The following ANTXR1 variants were observed in gnomAD, a reference collection of about 807,000 sequenced individuals.
The protein encoded by ANTXR1 is ANTXR cell adhesion molecule 1.
A neutral mutation model predicts 78.1 loss-of-function variants in ANTXR1; 19 were observed. The ratio of observed to expected loss-of-function variants is 0.24; its 90% CI spans 0.17 to 0.36. The LOEUF is 0.36. Among genes scored for constraint, ANTXR1 ranks in the 10% least tolerant of loss-of-function variants. The pLI, the probability that ANTXR1 is intolerant of heterozygous loss-of-function variation, is 1.00. For synonymous variants in ANTXR1, 273 were observed against 260.5 expected, an observed-to-expected ratio of 1.05 and a Z score of -0.46; for missense variants, 518 against 718.6, an observed-to-expected ratio of 0.72 and a Z score of 3.19.
chr2:69,202,608 G>T lies in ANTXR1; in HGVS notation c.1434+9193G>T, dbSNP rs116301056. Among the ~76,000 whole-genome samples, 782 of 152,328 alleles carry T rather than the reference G, an allele frequency of 5.1e-3. 5 individuals carry two copies. Among genetic ancestry groups the T allele is most frequent in the African/African-American group, 0.017 (725 of 41,570 alleles). On this transcript the variant is annotated intron_variant, in intron 17 of 17. Transcript: ENST00000303714. ...ACTGCAGGAACTCTTAGGAGAAGGG[G>T]TTGGAGGGCTTAGGAGGAAGTGCCA...
intron 13 of ANTXR1, among the ~76,000 whole-genome samples, chr2:69,169,127 C>G (rs1673907103): frequency 6.6e-6 from 1 of 152,234 alleles, no homozygotes; most frequent in Non-Finnish European, 1.5e-5. Context: ...GAGGTGCTTG[C>G]TGCCAGCTAA....
chr2:69,129,508 C>G (rs1343461427), intron 12 of ANTXR1, among the ~76,000 whole-genome samples: 2 of 152,128 alleles, frequency 1.3e-5, no homozygotes, highest in Non-Finnish European at 2.9e-5. Context: ...AATCCCAGCA[C>G]TTTCAGAGAT....
intron 8 of ANTXR1, among the ~76,000 whole-genome samples, chr2:69,078,854 C>G (rs1670816949): frequency 6.6e-6 from 1 of 152,132 alleles, no homozygotes; most frequent in Admixed American, 6.5e-5. Flanking sequence ...CTTGAATATG[C>G]ATAAAAATCA....
chr2:69,143,490 T>C (rs1673129035), intron 12 of ANTXR1, among the ~76,000 whole-genome samples: 1 of 152,156 alleles, frequency 6.6e-6, no homozygotes, highest in African/African-American at 2.4e-5. Flanking sequence ...CAATAGGACC[T>C]ACTGGACAAT....
At chr2:69,015,508 A>T (rs78357895) in intron 1 of ANTXR1, among the ~76,000 whole-genome samples, 1,828 of 127,286 alleles carry the variant, frequency 0.014, 57 homozygotes, top group East Asian at 0.11. Flanking sequence ...TCATTAATTT[A>T]AAAAAAAATG....
intron 17 of ANTXR1, among the ~76,000 whole-genome samples, chr2:69,241,076 G>A (rs1280886202): frequency 1.3e-5 from 2 of 152,160 alleles, no homozygotes; most frequent in African/African-American, 2.4e-5. Context: ...ATTCATTCCT[G>A]TAAATGAGGA....
intron 16 of ANTXR1, among the ~76,000 whole-genome samples, chr2:69,186,895 G>T (rs1206490727): frequency 2.0e-5 from 3 of 152,188 alleles, no homozygotes; most frequent in Admixed American, 1.3e-4. Flanking sequence ...GCAGAGAATG[G>T]ATGGGGGCCG....
intron 2 of ANTXR1, among the ~76,000 whole-genome samples, chr2:69,041,812 A>G (rs1382494988): frequency 1.3e-5 from 2 of 152,166 alleles, no homozygotes; most frequent in Non-Finnish European, 2.9e-5. Flanking sequence ...TGAAGAAACC[A>G]AGGACCAGGG....
chr2:69,222,871 T>C (rs776083381), intron 17 of ANTXR1, among the ~76,000 whole-genome samples: 8 of 152,250 alleles, frequency 5.3e-5, no homozygotes, highest in Non-Finnish European at 1.0e-4. Flanking sequence ...GGTTCCATTC[T>C]GCATAAATTA....
chr2:69,040,643 A>G (rs769719209), intron 2 of ANTXR1, among the ~76,000 whole-genome samples: 16 of 152,148 alleles, frequency 1.1e-4, no homozygotes, highest in Non-Finnish European at 2.2e-4. Flanking sequence ...TTTCAACACC[A>G]CTTTCCCAGG....
chr2:69,032,520 C>T (rs1267894382), intron 1 of ANTXR1, among the ~76,000 whole-genome samples: 2 of 152,158 alleles, frequency 1.3e-5, no homozygotes, highest in Non-Finnish European at 2.9e-5. Flanking sequence ...GATGTTGACC[C>T]ATCCCCCTTT....
intron 9 of ANTXR1, among the ~76,000 whole-genome samples, chr2:69,101,944 G>A (rs1181516710): frequency 6.6e-6 from 1 of 152,218 alleles, no homozygotes; most frequent in Non-Finnish European, 1.5e-5. Flanking sequence ...CATGGTAGGA[G>A]TATGGTAAAG....
chr2:69,150,433 T>TG (rs1207101385), intron 12 of ANTXR1, among the ~76,000 whole-genome samples: 1 of 152,206 alleles, frequency 6.6e-6, no homozygotes, highest in Non-Finnish European at 1.5e-5. Flanking sequence ...TAAGAATCCC[T>TG]GGGCCCAGTG....
At chr2:69,218,356 GA>G (rs1236610768) in intron 17 of ANTXR1, among the ~76,000 whole-genome samples, 3 of 151,828 alleles carry the variant, frequency 2.0e-5, no homozygotes, top group South Asian at 2.1e-4. Flanking sequence ...TTCAGTTCTG[GA>G]AAAAAAGGGG....
chr2:69,175,967 C>T (rs963263678), intron 14 of ANTXR1, among the ~76,000 whole-genome samples: 1 of 152,000 alleles, frequency 6.6e-6, no homozygotes, highest in Non-Finnish European at 1.5e-5. Flanking sequence ...GGCATCCTTC[C>T]AGCCATGTCT....
intron 17 of ANTXR1, among the ~76,000 whole-genome samples, chr2:69,207,680 T>A (rs1350731430): frequency 1.3e-5 from 2 of 152,130 alleles, no homozygotes; most frequent in African/African-American, 2.4e-5. Context: ...TGAAGCAGGA[T>A]TTTTCTCGGC....
In ANTXR1 at chr2:69,049,261, G is replaced by A. The variant is rs569002257; in HGVS notation, c.296+4448G>A. 3.4e-4 allele frequency among the ~76,000 whole-genome samples: 52 copies of A among 152,024 alleles called. No individual in the cohort carries two copies. The East Asian group carries it at 9.9e-3, about 29-fold the overall frequency. On this transcript the variant is annotated intron_variant, in intron 3 of 17. Coordinates refer to ENST00000303714, the MANE Select transcript of ANTXR1 (RefSeq NM_032208.3). Reference sequence around the variant, plus strand: ...AAAGAGCTTCAGAAACATTAGTTTTGGGGAAAACAATAGGTTTCTAACAGG... The same window carrying A: ...AAAGAGCTTCAGAAACATTAGTTTTAGGGAAAACAATAGGTTTCTAACAGG...
intron 2 of ANTXR1, among the ~76,000 whole-genome samples, chr2:69,041,567 G>T (rs1012021495): frequency 6.6e-6 from 1 of 152,182 alleles, no homozygotes; most frequent in African/African-American, 2.4e-5. Context: ...GTTCCGTTGT[G>T]CAACCGTAGC....
intron 3 of ANTXR1, among the ~76,000 whole-genome samples, chr2:69,062,650 CT>C (rs1434696718): frequency 6.6e-6 from 1 of 152,112 alleles, no homozygotes; most frequent in African/African-American, 2.4e-5. Context: ...GTCTCCACTG[CT>C]TTTTTTATAC....
Sources: gnomAD v4.1 joint callset for allele counts (sites outside exome capture counted in the v4.1 genomes callset) on GRCh38, gnomAD v4.1.1 for gene constraint, MANE v1.5 for transcripts, NCBI Gene and HGNC (gene_info 2026-07-23, HGNC 2026-07-21) for gene names.